Variants in ARFIP1 observed in about 807,000 individuals in gnomAD.
ARFIP1 encodes ARF interacting protein 1, also known as arfaptin-1.
A neutral mutation model predicts 42.5 loss-of-function variants in ARFIP1; 24 were observed. The ratio of observed to expected loss-of-function variants is 0.57; its 90% confidence interval spans 0.41 to 0.80. The LOEUF is 0.80. Among genes scored for constraint, ARFIP1 ranks in the 30% least tolerant of loss-of-function variants. The pLI is 0.00. For missense variants in ARFIP1, 354 were observed against 434.0 expected (o/e 0.82, Z 1.64); for synonymous variants, 141 against 153.7 (o/e 0.92, Z 0.61).
chr4:152,904,180 GTA>G (rs1190234270), intron 8 of ARFIP1, among the ~76,000 whole-genome samples: 8 of 130,554 alleles, frequency 6.1e-5, no homozygotes, highest in Non-Finnish European at 7.9e-5. Context: ...GTGTGTGTGT[GTA>G]TATATATATA....
At chr4:152,804,068 TATATATTATATATAATATAACGTAA>T (rs1728660856) in intron 1 of ARFIP1, among the ~76,000 whole-genome samples, 1 of 107,938 alleles carries the variant, frequency 9.3e-6, no homozygotes, top group African/African-American at 3.5e-5. Flanking sequence ...TAACATGTAA[TATATATTATATATAATATAACGTAA>T]TATATATTAT....
intron 5 of ARFIP1, among the ~76,000 whole-genome samples, chr4:152,874,486 A>G (rs1261808157): frequency 6.6e-6 from 1 of 152,186 alleles, no homozygotes; most frequent in East Asian, 1.9e-4. Flanking sequence ...CACTCAACCA[A>G]AAAAAGTTCA....
chr4:152,865,980 A>G (rs999455022), intron 3 of ARFIP1, among the ~76,000 whole-genome samples: 1 of 152,032 alleles, frequency 6.6e-6, no homozygotes, highest in African/African-American at 2.4e-5. Context: ...ACAAGTGAAC[A>G]AAGGTCTCTG....
At chr4:152,850,186 T>G (rs558641645) in intron 2 of ARFIP1, among the ~76,000 whole-genome samples, 1 of 152,312 alleles carries the variant, frequency 6.6e-6, no homozygotes, top group African/African-American at 2.4e-5. Flanking sequence ...CAATTTATAT[T>G]TTAAAATATA....
At position 152,888,287 on chromosome 4, in the gene ARFIP1, A is replaced by G; in HGVS notation, c.946A>G (p.Lys316Glu). 2 of 1,605,490 alleles carry G rather than the reference A, an allele frequency of 1.2e-6. No individual in the cohort carries two copies. Among genetic ancestry groups the G allele is most frequent in the South Asian group, 1.1e-5 (1 of 89,780 alleles). The part of the protein sequence containing the change: ...KMRNDVSVKL[K>E]FLEENKVKVL... ...GCGCAATGATGTTTCTGTCAAATTG[A>G]AATTTCTAGAAGAAAATAAGGTAAA... Residue 316 changes from lysine to glutamate, a missense_variant, in exon 8 of 9, where the codon AAA becomes GAA. Coordinates refer to ENST00000353617, the MANE Select transcript of ARFIP1 (RefSeq NM_001025595.3).
intron 5 of ARFIP1, among the ~76,000 whole-genome samples, chr4:152,880,195 T>C (rs1019600322): frequency 1.3e-5 from 2 of 151,898 alleles, no homozygotes; most frequent in Non-Finnish European, 2.9e-5. Context: ...TACAAAAAAT[T>C]AGCTGGGCTT....
intron 2 of ARFIP1, among the ~76,000 whole-genome samples, chr4:152,859,314 A>G (rs188229703): frequency 3.1e-4 from 47 of 152,300 alleles, no homozygotes; most frequent in Admixed American, 1.8e-3. Context: ...CTCTTGTCTC[A>G]ACCTCCCAAA....
At chr4:152,892,853 A>G (rs557262524) in intron 8 of ARFIP1, among the ~76,000 whole-genome samples, 18 of 152,220 alleles carry the variant, frequency 1.2e-4, no homozygotes, top group Non-Finnish European at 2.1e-4. Flanking sequence ...TTCTTTGTTT[A>G]CTAAACCACA....
chr4:152,787,813 T>G (rs1255424953), intron 1 of ARFIP1, among the ~76,000 whole-genome samples: 1 of 152,226 alleles, frequency 6.6e-6, no homozygotes, highest in Non-Finnish European at 1.5e-5. Flanking sequence ...CATATGGAAA[T>G]ATTCCAAATG....
chr4:152,899,141 C>T (rs1310618568), intron 8 of ARFIP1, among the ~76,000 whole-genome samples: 2 of 152,180 alleles, frequency 1.3e-5, no homozygotes, highest in Non-Finnish European at 2.9e-5. Context: ...CCACCCCCTC[C>T]AACATCTGCC....
At chr4:152,903,002 A>G (rs796265308) in intron 8 of ARFIP1, among the ~76,000 whole-genome samples, 2 of 152,340 alleles carry the variant, frequency 1.3e-5, no homozygotes, top group African/African-American at 4.8e-5. Flanking sequence ...AAAATTTCTT[A>G]TTTTAAAAGT....
At chr4:152,804,500 A>ATAATAT (rs1554022307) in intron 1 of ARFIP1, among the ~76,000 whole-genome samples, 4 of 121,500 alleles carry the variant, frequency 3.3e-5, no homozygotes, top group South Asian at 2.3e-4. Context: ...ATATATATAT[A>ATAATAT]ATATATATAT....
intron 1 of ARFIP1, chr4:152,807,253 G>GA (rs1303122988): frequency 1.3e-5 from 2 of 151,092 alleles, no homozygotes; most frequent in African/African-American, 4.9e-5. Flanking sequence ...CTACAAGTAA[G>GA]GACGTTTATT....
intron 1 of ARFIP1, among the ~76,000 whole-genome samples, chr4:152,812,254 G>T (rs1729529013): frequency 6.6e-6 from 1 of 152,204 alleles, no homozygotes. Context: ...GAGTGCAGTG[G>T]CACGATCATG....
chr4:152,788,903 T>G (rs905495365), intron 1 of ARFIP1, among the ~76,000 whole-genome samples: 1 of 151,422 alleles, frequency 6.6e-6, no homozygotes, highest in African/African-American at 2.4e-5. Context: ...TCAGATTTCC[T>G]TGTTTTTGAT....
intron 8 of ARFIP1, among the ~76,000 whole-genome samples, chr4:152,909,130 A>T (rs376338900): frequency 2.6e-5 from 4 of 152,328 alleles, no homozygotes; most frequent in African/African-American, 9.6e-5. Context: ...TACGCCTGTA[A>T]TCCCAGCACT....
At chr4:152,876,993 G>T (rs1429721274) in intron 5 of ARFIP1, among the ~76,000 whole-genome samples, 1 of 152,154 alleles carries the variant, frequency 6.6e-6, no homozygotes, top group African/African-American at 2.4e-5. Context: ...ATGCCTGGGT[G>T]CCCAGGCAGA....
Position 152,863,658 on chromosome 4 carries a change from C to T in ARFIP1, c.146C>T (p.Thr49Ile), listed in dbSNP as rs1289836115. The T allele has an allele frequency of 6.2e-7, 1 of 1,611,482 alleles. No homozygotes were observed. Among genetic ancestry groups the T allele is most frequent in the South Asian group, 1.1e-5 (1 of 90,994 alleles). ...SGLGLSETQI[T>I]SHGFDNTKEG... ...CTTGGTCTCTCAGAAACCCAAATTACATCTCATGGCTTTGACAATACCAAA... is the reference window on the plus strand; with the variant it reads ...CTTGGTCTCTCAGAAACCCAAATTATATCTCATGGCTTTGACAATACCAAA... Residue 49 changes from threonine to isoleucine, a missense_variant, in exon 3 of 9, where the codon ACA (threonine) becomes ATA (isoleucine). Transcript: ENST00000353617.
chr4:152,854,965 C>T (rs934908701), intron 2 of ARFIP1, among the ~76,000 whole-genome samples: 1 of 152,178 alleles, frequency 6.6e-6, no homozygotes, highest in African/African-American at 2.4e-5. Context: ...CCAGTAGTGG[C>T]GGCAGTGGGC....
Sources: allele counts gnomAD v4.1 joint callset (sites outside exome capture counted in the v4.1 genomes callset), GRCh38; gene constraint gnomAD v4.1.1; transcripts MANE v1.5; gene names NCBI Gene and HGNC (gene_info 2026-07-23, HGNC 2026-07-21).